MDH1: variants seen among roughly 807,000 people sequenced by gnomAD.
MDH1 encodes the protein malate dehydrogenase, cytoplasmic.
MDH1 carries 15 observed loss-of-function variants against 38.7 expected under a neutral mutation model. That is an observed-to-expected ratio of 0.39 (90% CI 0.26 to 0.60). MDH1 has a LOEUF of 0.60. MDH1 is among the 20% of genes least tolerant of loss of function. MDH1 has a pLI of 0.56. For synonymous variants in MDH1, 144 were observed against 143.6 expected (o/e 1.00, Z -0.02); for missense variants, 368 against 405.2 (o/e 0.91, Z 0.79).
At chr2:63,589,136 T>C in intron 1 of MDH1, 90 bp downstream of exon 1, 21 of 1,613,888 alleles carry the variant, frequency 1.3e-5, no homozygotes, top group Non-Finnish European at 1.6e-5. Flanking sequence ...GGGAGGCAGC[T>C]GTGCAAGGCA....
chr2:63,600,290 T>G (rs1358588765), intron 5 of MDH1, among the ~76,000 whole-genome samples: 4 of 152,216 alleles, frequency 2.6e-5, no homozygotes, highest in African/African-American at 7.2e-5. Context: ...TTAATTTTTA[T>G]AGTAACCATA....
chr2:63,596,877 T>C (rs749901072), intron 3 of MDH1, among the ~76,000 whole-genome samples: 47 of 152,212 alleles, frequency 3.1e-4, no homozygotes, highest in Non-Finnish European at 5.0e-4. Context: ...TGGTGGCGAG[T>C]TAATCTCTTT....
chr2:63,605,948 G>T lies in MDH1; in HGVS notation c.799G>T (p.Val267Leu). The T allele has an allele frequency of 2.5e-6, 4 of 1,613,562 alleles. No individual in the cohort carries two copies. In the South Asian group the frequency reaches 3.3e-5, roughly 13 times the overall value. The change falls in exon 8 of 9, where the codon GTG becomes TTG. Residue 267 changes from valine to leucine, a missense_variant. Physicochemically the swap from Val to Leu is conservative, Grantham distance 32 (BLOSUM62 1). Transcript: ENST00000233114. ...ACATTGTTATTTTCAGGGAGAGTTT[G>T]TGTCCATGGGTGTTATCTCTGATGG... ...IWFGTPEGEF[V>L]SMGVISDGNS... is the part of the protein sequence containing the mutation.
Position 63,605,828 on chromosome 2 carries a change from T to C in MDH1, c.790-111T>C, listed in dbSNP as rs1271127838. Reference sequence around the variant, plus strand: ...GTGCTGATGATAGTTCCTTACACAGTAATGATGTTATGAACATAGTAAGAA... The same window carrying C: ...GTGCTGATGATAGTTCCTTACACAGCAATGATGTTATGAACATAGTAAGAA... On this transcript the variant is annotated intron_variant, in intron 7 of 8. Coordinates refer to ENST00000233114, the MANE Select transcript of MDH1 (RefSeq NM_005917.4). 3 of 865,150 alleles carry C rather than the reference T, an allele frequency of 3.5e-6. No individual in the cohort carries two copies. The African/African-American group carries it at 4.9e-5, about 14-fold the overall frequency. 53.6% of individuals were successfully genotyped at this position (865,150 alleles called of 1,614,324 possible). A position where few individuals can be genotyped will look rare whatever the true frequency, so the allele number is the denominator to read the frequency against.
chr2:63,589,363 G>A (rs1399304990), intron 1 of MDH1: 1 of 1,550,606 alleles, frequency 6.4e-7, no homozygotes, highest in South Asian at 1.2e-5. Context: ...AGGACGTTAC[G>A]GTGTTTGATA....
At chr2:63,597,295 C>T (rs967032453) in intron 3 of MDH1, 104 bp from the exon 4 acceptor site, 1 of 1,266,944 alleles carries the variant, frequency 7.9e-7, no homozygotes, top group East Asian at 2.9e-5. Context: ...GATATGTAAA[C>T]ACTTGCAACA....
At chr2:63,590,613 T>C (rs1709175965) in intron 1 of MDH1, 2 of 152,212 alleles carry the variant, frequency 1.3e-5, no homozygotes, top group South Asian at 4.1e-4. Context: ...AATTTGGAGA[T>C]TATATTATCT....
At position 63,601,728 on chromosome 2, in the gene MDH1, G is replaced by A. The variant is rs143902108; in HGVS notation, c.498+2436G>A. On this transcript the variant is annotated intron_variant, in intron 5 of 8. Transcript: ENST00000233114. ...AACAAAGGAAGGCATGGGAGCCAAG[G>A]AGGACTGAGGGTGGAGAGGCCTAGA... Among the ~76,000 whole-genome samples, 1,164 of 152,302 alleles carry A rather than the reference G, an allele frequency of 7.6e-3. 9 individuals carry two copies. The highest frequency in any genetic ancestry group is 0.016 in the South Asian group (76 of 4,820).
In MDH1 at chr2:63,600,600, A is replaced by C. The variant is rs182673264; in HGVS notation, c.498+1308A>C. ...CTTAGCATGGTGCCTGCACATAGTA[A>C]ATACAAGAAAGGTTGGCTGCTATTA... On this transcript the variant is annotated intron_variant, in intron 5 of 8. Transcript: ENST00000233114. Among the ~76,000 whole-genome samples the C allele has an allele frequency of 1.9e-3, 288 of 152,336 alleles. 1 individual carries two copies. In the Middle Eastern group the frequency reaches 0.024, roughly 13 times the overall value.
chr2:63,592,684 AT>A (rs1412260105), intron 1 of MDH1, among the ~76,000 whole-genome samples: 1 of 152,236 alleles, frequency 6.6e-6, no homozygotes, highest in Admixed American at 6.5e-5. Flanking sequence ...ATCTTAAAAA[AT>A]TTTTTAAAGC....
intron 2 of MDH1, chr2:63,594,816 T>C: frequency 2.5e-6 from 1 of 400,924 alleles, no homozygotes; most frequent in Non-Finnish European, 4.5e-6. Flanking sequence ...CTCAGTTGAC[T>C]TGGTGCAACC....
At chr2:63,601,802 G>A (rs1182797008) in intron 5 of MDH1, among the ~76,000 whole-genome samples, 1 of 152,182 alleles carries the variant, frequency 6.6e-6, no homozygotes, top group African/African-American at 2.4e-5. Context: ...GACATTCAGG[G>A]AAGTTATAGG....
intron 1 of MDH1, chr2:63,589,375 G>A: frequency 1.3e-6 from 2 of 1,550,560 alleles, no homozygotes. Context: ...TGTTTGATAA[G>A]GACGATAAGG....
intron 5 of MDH1, among the ~76,000 whole-genome samples, chr2:63,604,156 T>C (rs1709483635): frequency 6.6e-6 from 1 of 152,236 alleles, no homozygotes; most frequent in Non-Finnish European, 1.5e-5. Flanking sequence ...ATATATAAAA[T>C]GAGGACAGTC....
At chr2:63,605,414 A>T (rs374291795) in intron 7 of MDH1, 21 bp downstream of exon 7, 1 of 1,489,284 alleles carries the variant, frequency 6.7e-7, no homozygotes, top group East Asian at 2.3e-5. Context: ...AGTGATTTGC[A>T]CAGGTCACTC....
At chr2:63,603,479 C>G (rs946443698) in intron 5 of MDH1, among the ~76,000 whole-genome samples, 2 of 152,062 alleles carry the variant, frequency 1.3e-5, no homozygotes, top group African/African-American at 4.8e-5. Flanking sequence ...ACAATGTCAC[C>G]AAAACAGATC....
chr2:63,592,871 C>T (rs896409731), intron 1 of MDH1, among the ~76,000 whole-genome samples: 1 of 151,924 alleles, frequency 6.6e-6, no homozygotes. Context: ...TTAAGGATCT[C>T]GTATTCTAAA....
Position 63,589,027 on chromosome 2 carries a change from C to T in MDH1, c.-17C>T, listed in dbSNP as rs749814011. 2.5e-6 allele frequency: 4 copies of T among 1,614,090 alleles called. No homozygotes were observed. In the Admixed American group the frequency reaches 5.0e-5, roughly 20 times the overall value. ...CTCATTTTGCAGTTGTTGAAATTGT[C>T]CCCGCAGTTTTCAATCATGGTGAGT... is the stretch of plus-strand genomic sequence containing the variant. On this transcript the variant is annotated 5_prime_UTR_variant, in exon 1 of 9. Transcript: ENST00000233114.
intron 1 of MDH1, 155 bp downstream of exon 1, chr2:63,589,201 T>C: frequency 6.3e-7 from 1 of 1,591,436 alleles, no homozygotes; most frequent in Middle Eastern, 1.7e-4. Context: ...ATTGCCGCAG[T>C]GACCCAGTAA....
Sources: gnomAD v4.1 joint callset for allele counts (sites outside exome capture counted in the v4.1 genomes callset) on GRCh38, gnomAD v4.1.1 for gene constraint, MANE v1.5 for transcripts, NCBI Gene and HGNC (gene_info 2026-07-23, HGNC 2026-07-21) for gene names.